Variants in MTMR3 observed in about 807,000 individuals in gnomAD.
The protein encoded by MTMR3 is myotubularin related protein 3.
Under a neutral mutation model 132.4 loss-of-function variants are expected in MTMR3, and 32 were observed. That is an observed-to-expected ratio of 0.24 (90% CI 0.18 to 0.32). MTMR3 has a LOEUF of 0.32. MTMR3 is among the 10% of genes least tolerant of loss of function. The probability of loss-of-function intolerance (pLI) is 1.00; values close to 1 mark genes in which losing one functional copy is unlikely to be tolerated. For synonymous variants in MTMR3, 556 were observed against 550.3 expected, an observed-to-expected ratio of 1.01 and a Z score of -0.14; for missense variants, 1,216 against 1,489.6, an observed-to-expected ratio of 0.82 and a Z score of 3.02.
intron 1 of MTMR3, among the ~76,000 whole-genome samples, chr22:29,935,237 A>T (rs951154624): frequency 6.6e-6 from 1 of 152,194 alleles, no homozygotes; most frequent in African/African-American, 2.4e-5. Context: ...TATGTATGTG[A>T]TTACTAAATG....
intron 1 of MTMR3, among the ~76,000 whole-genome samples, chr22:29,929,053 G>A (rs1334292777): frequency 1.3e-5 from 2 of 152,094 alleles, no homozygotes; most frequent in Non-Finnish European, 2.9e-5. Context: ...GCCAAGATAG[G>A]TGGATCACCT....
chr22:29,883,656 G>C (rs1008897292), intron 1 of MTMR3, among the ~76,000 whole-genome samples: 3 of 152,188 alleles, frequency 2.0e-5, no homozygotes, highest in Non-Finnish European at 4.4e-5. Flanking sequence ...GACCTGGCGG[G>C]GATGGGCCCG....
At position 30,018,036 on chromosome 22, in the gene MTMR3, CCCCAGGCACCAG is replaced by C. The variant is rs889909821; in HGVS notation, c.1788_1799del (p.Gly597_Pro600del). On this transcript the variant is annotated inframe_deletion, in exon 16 of 20. Coordinates refer to ENST00000401950, the MANE Select transcript of MTMR3 (RefSeq NM_021090.4). ...GACGACAGCTGTGCACCATACCCAG[CCCCAGGCACCAG>C]CCCTGATGATCCCCCCCTGAGCCGG... The C allele has an allele frequency of 6.2e-7, 1 of 1,612,564 alleles. No homozygotes were observed. The highest frequency in any genetic ancestry group is 8.5e-7 in the Non-Finnish European group (1 of 1,179,576).
intron 1 of MTMR3, among the ~76,000 whole-genome samples, chr22:29,894,262 C>T (rs558933834): frequency 1.3e-5 from 2 of 152,048 alleles, no homozygotes; most frequent in Non-Finnish European, 2.9e-5. Context: ...GGAGTGGCAG[C>T]GGTAGGAAGT....
At chr22:30,006,111 G>T (rs1005736456) in intron 9 of MTMR3, 1 of 152,162 alleles carries the variant, frequency 6.6e-6, no homozygotes, top group Non-Finnish European at 1.5e-5. Context: ...GCCTGTATCA[G>T]AACTTTATTC....
At chr22:29,911,582 T>TG (rs2065214186) in intron 1 of MTMR3, among the ~76,000 whole-genome samples, 2 of 130,246 alleles carry the variant, frequency 1.5e-5, no homozygotes, top group African/African-American at 2.6e-5. Context: ...TAGCTTGATT[T>TG]GGGTTTTTTT....
At chr22:29,941,886 G>T (rs1199717400) in intron 1 of MTMR3, among the ~76,000 whole-genome samples, 2 of 152,156 alleles carry the variant, frequency 1.3e-5, no homozygotes, top group Non-Finnish European at 2.9e-5. Flanking sequence ...GGAGGCCATG[G>T]TAGGAAGATC....
chr22:29,938,132 A>C (rs887020797), intron 1 of MTMR3, among the ~76,000 whole-genome samples: 1 of 152,194 alleles, frequency 6.6e-6, no homozygotes, highest in Admixed American at 6.5e-5. Context: ...ATACTAAATC[A>C]CATACCCACC....
At chr22:29,945,044 C>T (rs961581632) in intron 1 of MTMR3, among the ~76,000 whole-genome samples, 36 of 152,268 alleles carry the variant, frequency 2.4e-4, no homozygotes, top group Admixed American at 1.3e-4. Flanking sequence ...GACAGGGTCT[C>T]CTCTGTCACC....
Position 29,991,486 on chromosome 22 carries a change from T to C in MTMR3, c.294-18T>C. ...ACTGTCTTCTGATTACATCCATACT[T>C]GTTTGGCTTTACAAAAGGTGTCAGT... On this transcript the variant is annotated intron_variant, in intron 6 of 19. Coordinates refer to ENST00000401950, the MANE Select transcript of MTMR3 (RefSeq NM_021090.4). The C allele has an allele frequency of 6.2e-7, 1 of 1,600,694 alleles. No individual in the cohort carries two copies. Among genetic ancestry groups the C allele is most frequent in the Non-Finnish European group, 8.5e-7 (1 of 1,174,660 alleles).
intron 1 of MTMR3, among the ~76,000 whole-genome samples, chr22:29,954,059 CTTTTTT>C (rs59781649): frequency 5.1e-3 from 409 of 79,418 alleles, no homozygotes; most frequent in Middle Eastern, 0.022. Context: ...TCAAATGAGT[CTTTTTT>C]TTTTTTTTTT....
chr22:29,897,583 G>T (rs1336407929), intron 1 of MTMR3, among the ~76,000 whole-genome samples: 8 of 151,822 alleles, frequency 5.3e-5, no homozygotes, highest in Non-Finnish European at 1.0e-4. Flanking sequence ...CTTTTGAGTA[G>T]CTGGGATTAC....
chr22:29,937,584 CTTTA>C (rs947093419), intron 1 of MTMR3, among the ~76,000 whole-genome samples: 24 of 152,044 alleles, frequency 1.6e-4, no homozygotes, highest in East Asian at 9.6e-4. Flanking sequence ...CGCACCCAAA[CTTTA>C]TTTGTTTTAT....
At chr22:29,935,509 G>T (rs17644868) in intron 1 of MTMR3, among the ~76,000 whole-genome samples, 12,588 of 152,234 alleles carry the variant, frequency 0.083, 588 homozygotes, top group Middle Eastern at 0.13. Context: ...CCTTTTGAAA[G>T]CCTTGTTTAA....
chr22:29,915,453 G>A (rs2065290524), intron 1 of MTMR3, among the ~76,000 whole-genome samples: 1 of 151,968 alleles, frequency 6.6e-6, no homozygotes, highest in Non-Finnish European at 1.5e-5. Context: ...ATGGAGTCTC[G>A]CTCTGCCACC....
At chr22:30,001,703 CATA>C (rs1466917750) in intron 8 of MTMR3, 1 of 152,120 alleles carries the variant, frequency 6.6e-6, no homozygotes, top group African/African-American at 2.4e-5. Flanking sequence ...GAGTTTAATA[CATA>C]ATAAAGGGAA....
intron 12 of MTMR3, 84 bp downstream of exon 12, chr22:30,009,213 GA>G (rs553672166): frequency 7.8e-5 from 75 of 965,310 alleles, no homozygotes; most frequent in South Asian, 4.4e-4. Flanking sequence ...GGGAAAAAAA[GA>G]AAAAAAAATT....
At chr22:29,996,007 T>A (rs1451363440) in intron 7 of MTMR3, 1 of 152,224 alleles carries the variant, frequency 6.6e-6, no homozygotes, top group Admixed American at 6.5e-5. Flanking sequence ...AAAAAAATAA[T>A]GTATGTTGTA....
chr22:30,016,618 C>G lies in MTMR3; in HGVS notation c.1594C>G (p.Arg532Gly). Residue 532 changes from arginine to glycine, a missense_variant, in exon 15 of 20, where the codon CGG (arginine) becomes GGG (glycine). Coordinates refer to ENST00000401950, the MANE Select transcript of MTMR3 (RefSeq NM_021090.4). ...GAGAGGGGAAAAGCATACTCAGGAA[C>G]GGACATGTTCCGTGTGGTCACTTCT... ...KERGEKHTQE[R>G]TCSVWSLLRA... The G allele has an allele frequency of 6.2e-7, 1 of 1,614,176 alleles. No homozygotes were observed. The highest frequency in any genetic ancestry group is 8.5e-7 in the Non-Finnish European group (1 of 1,180,036).
Sources: allele counts gnomAD v4.1 joint callset (sites outside exome capture counted in the v4.1 genomes callset), GRCh38; gene constraint gnomAD v4.1.1; transcripts MANE v1.5; gene names NCBI Gene and HGNC (gene_info 2026-07-23, HGNC 2026-07-21).